The following ESRRB variants were observed in gnomAD, a reference collection of about 807,000 sequenced individuals.
The protein encoded by ESRRB is steroid hormone receptor ERR2.
Under a neutral mutation model 46.0 loss-of-function variants are expected in ESRRB, and 16 were observed. That is an observed-to-expected ratio of 0.35 (90% CI 0.24 to 0.53). The LOEUF (loss-of-function observed/expected upper bound fraction) is 0.53. Among genes scored for constraint, ESRRB ranks in the 20% least tolerant of loss-of-function variants. The pLI, the probability that ESRRB is intolerant of heterozygous loss-of-function variation, is 0.93. For missense variants in ESRRB, 488 were observed against 607.4 expected (o/e 0.80, Z 2.07); for synonymous variants, 246 against 259.6 (o/e 0.95, Z 0.50).
At chr14:76,311,391 G>A (rs1050242524) in intron 1 of ESRRB, among the ~76,000 whole-genome samples, 4 of 152,162 alleles carry the variant, frequency 2.6e-5, no homozygotes, top group Non-Finnish European at 5.9e-5. Context: ...GTAATGATGG[G>A]AGCTCCTGGA....
At chr14:76,377,272 G>T (rs928329418) in intron 1 of ESRRB, among the ~76,000 whole-genome samples, 2 of 152,238 alleles carry the variant, frequency 1.3e-5, no homozygotes, top group Non-Finnish European at 2.9e-5. Flanking sequence ...AGAGCGCAGA[G>T]TGGGAAAGTG....
intron 2 of ESRRB, among the ~76,000 whole-genome samples, chr14:76,458,967 C>T (rs974521471): frequency 5.3e-5 from 8 of 151,822 alleles, no homozygotes; most frequent in Admixed American, 2.0e-4. Flanking sequence ...GCCTCAGCCT[C>T]CCGACTAGCT....
At chr14:76,318,022 T>G (rs918589571) in intron 1 of ESRRB, among the ~76,000 whole-genome samples, 2 of 152,206 alleles carry the variant, frequency 1.3e-5, no homozygotes, top group African/African-American at 4.8e-5. Flanking sequence ...TATAAGCACC[T>G]CTAGGGGTTA....
intron 1 of ESRRB, among the ~76,000 whole-genome samples, chr14:76,392,871 T>C (rs1323771081): frequency 6.6e-6 from 1 of 152,246 alleles, no homozygotes; most frequent in Non-Finnish European, 1.5e-5. Flanking sequence ...ACCTCCTTGC[T>C]GCTCCCTGGG....
intron 1 of ESRRB, among the ~76,000 whole-genome samples, chr14:76,323,683 G>C (rs1883894768): frequency 1.3e-5 from 2 of 152,176 alleles, no homozygotes; most frequent in Admixed American, 1.3e-4. Flanking sequence ...TGTGACAGTA[G>C]TTGCTCCTGA....
At chr14:76,464,249 G>A (rs775173328) in intron 3 of ESRRB, among the ~76,000 whole-genome samples, 2 of 152,200 alleles carry the variant, frequency 1.3e-5, no homozygotes, top group Non-Finnish European at 2.9e-5. Flanking sequence ...TTCCTGGAGG[G>A]GGAAGGCTAG....
intron 1 of ESRRB, among the ~76,000 whole-genome samples, chr14:76,311,974 GA>G (rs11384140): frequency 0.023 from 1,857 of 81,546 alleles, 38 homozygotes; most frequent in African/African-American, 0.067. Context: ...CCTACATTTT[GA>G]AAAAAAAAAA....
At chr14:76,351,769 C>G (rs967047701) in intron 1 of ESRRB, among the ~76,000 whole-genome samples, 1 of 152,008 alleles carries the variant, frequency 6.6e-6, no homozygotes, top group East Asian at 1.9e-4. Context: ...TTCTCATAAA[C>G]CAACAAGAAA....
rs1263044432 is a variant in ESRRB, at chr14:76,501,743, A to T, written c.*3285A>T. 6.6e-6 allele frequency: 1 copy of T among 152,120 alleles called. No individual in the cohort carries two copies. Among genetic ancestry groups the T allele is most frequent in the Admixed American group, 6.5e-5 (1 of 15,274 alleles). 9.4% of individuals were successfully genotyped at this position (152,120 alleles called of 1,614,324 possible). A position where few individuals can be genotyped will look rare whatever the true frequency, so the allele number is the denominator to read the frequency against. ...TACTTGTATGTCTTTCTGCCTCTGTATATGTTCTCCCAGAAACCCCCATGT... is the reference window on the plus strand; with the variant it reads ...TACTTGTATGTCTTTCTGCCTCTGTTTATGTTCTCCCAGAAACCCCCATGT... On this transcript the variant is annotated 3_prime_UTR_variant, in exon 7 of 7. Coordinates refer to ENST00000644823, the MANE Select transcript of ESRRB (RefSeq NM_001379180.1).
chr14:76,401,958 G>A (rs1241810435), intron 1 of ESRRB, among the ~76,000 whole-genome samples: 1 of 152,216 alleles, frequency 6.6e-6, no homozygotes, highest in East Asian at 1.9e-4. Context: ...AGCTGACAGT[G>A]TAATTCTAGT....
At chr14:76,415,950 G>A (rs2139874787) in intron 1 of ESRRB, among the ~76,000 whole-genome samples, 1 of 152,342 alleles carries the variant, frequency 6.6e-6, no homozygotes, top group Middle Eastern at 3.4e-3. Flanking sequence ...GGGAGAAGTA[G>A]ACTTTGAATG....
At chr14:76,364,763 T>C (rs1301212871) in intron 1 of ESRRB, among the ~76,000 whole-genome samples, 1 of 150,840 alleles carries the variant, frequency 6.6e-6, no homozygotes, top group Admixed American at 6.6e-5. Context: ...CCAACCCAAC[T>C]TGGGGGCAGG....
At chr14:76,475,178 G>C (rs923365330) in intron 3 of ESRRB, among the ~76,000 whole-genome samples, 6 of 151,990 alleles carry the variant, frequency 3.9e-5, no homozygotes, top group African/African-American at 1.4e-4. Context: ...AGGATGCAGA[G>C]AGCCAGCCTG....
intron 1 of ESRRB, among the ~76,000 whole-genome samples, chr14:76,316,805 T>C (rs1238850903): frequency 8.5e-5 from 13 of 152,204 alleles, no homozygotes; most frequent in Non-Finnish European, 1.8e-4. Context: ...CCAGGAATTT[T>C]ATTCTGTTCA....
At chr14:76,420,858 C>A (rs1438847352) in intron 1 of ESRRB, among the ~76,000 whole-genome samples, 1 of 152,166 alleles carries the variant, frequency 6.6e-6, no homozygotes, top group Non-Finnish European at 1.5e-5. Context: ...CACCCTCACA[C>A]ACCCCACCTG....
At chr14:76,419,132 A>G (rs1886834851) in intron 1 of ESRRB, among the ~76,000 whole-genome samples, 1 of 151,696 alleles carries the variant, frequency 6.6e-6, no homozygotes, top group African/African-American at 2.4e-5. Context: ...CTCCTGTGTC[A>G]GCCTCCTGAG....
intron 1 of ESRRB, among the ~76,000 whole-genome samples, chr14:76,358,506 A>C (rs1210958126): frequency 6.6e-6 from 1 of 152,060 alleles, no homozygotes; most frequent in Non-Finnish European, 1.5e-5. Flanking sequence ...TGATTTTCTC[A>C]TCGGCGTGCT....
At chr14:76,391,234 G>C (rs1885457343) in intron 1 of ESRRB, among the ~76,000 whole-genome samples, 1 of 152,186 alleles carries the variant, frequency 6.6e-6, no homozygotes, top group Non-Finnish European at 1.5e-5. Context: ...GTGCGTTTGG[G>C]CTTTTCTAGA....
rs528661506 is a variant in ESRRB, at chr14:76,477,792, A to G, written c.578-4224A>G. Among the ~76,000 whole-genome samples, 48 of 152,324 alleles carry G rather than the reference A, an allele frequency of 3.2e-4. 1 individual carries two copies. The highest frequency in any genetic ancestry group is 1.1e-3 in the African/African-American group (47 of 41,578). ...ATTGATACACGTATTGATTGGAGCCATTGACCACTATGCTGTAAAGATCAG... is the reference window on the plus strand; with the variant it reads ...ATTGATACACGTATTGATTGGAGCCGTTGACCACTATGCTGTAAAGATCAG... On this transcript the variant is annotated intron_variant, in intron 3 of 6. Transcript: ENST00000644823.
Sources: gnomAD v4.1 joint callset for allele counts (sites outside exome capture counted in the v4.1 genomes callset) on GRCh38, gnomAD v4.1.1 for gene constraint, MANE v1.5 for transcripts, NCBI Gene and HGNC (gene_info 2026-07-23, HGNC 2026-07-21) for gene names.